Variants in WIPI2 observed in about 807,000 individuals in gnomAD.
WIPI2 encodes the protein WD repeat domain, phosphoinositide interacting 2.
A neutral mutation model predicts 52.3 loss-of-function variants in WIPI2; 28 were observed. The observed-to-expected ratio is 0.54, with a 90% CI of 0.40 to 0.73. The LOEUF (loss-of-function observed/expected upper bound fraction) is 0.73. Ranked by LOEUF, WIPI2 falls within the 30% of genes least tolerant of loss-of-function variation. The probability of loss-of-function intolerance (pLI) is 0.00; values close to 1 mark genes in which losing one functional copy is unlikely to be tolerated. For synonymous variants in WIPI2, 268 were observed against 245.0 expected, an observed-to-expected ratio of 1.09 and a Z score of -0.88; for missense variants, 506 against 602.9, an observed-to-expected ratio of 0.84 and a Z score of 1.68.
At chr7:5,216,747 A>G in intron 5 of WIPI2, 88 bp downstream of exon 5, 1 of 1,290,758 alleles carries the variant, frequency 7.7e-7, no homozygotes, top group South Asian at 1.3e-5. Context: ...TTCTTTTTAT[A>G]GGTTCCGCAG....
intron 2 of WIPI2, among the ~76,000 whole-genome samples, chr7:5,196,298 G>A (rs530832045): frequency 5.3e-5 from 8 of 152,022 alleles, no homozygotes; most frequent in African/African-American, 1.9e-4. Flanking sequence ...CCAGTGAGCC[G>A]AGATTGTGCC....
intron 7 of WIPI2, among the ~76,000 whole-genome samples, chr7:5,221,667 T>C (rs1343277153): frequency 6.6e-6 from 1 of 152,244 alleles, no homozygotes; most frequent in Non-Finnish European, 1.5e-5. Flanking sequence ...AGATCTGATA[T>C]TAACTTGGGG....
intron 2 of WIPI2, among the ~76,000 whole-genome samples, chr7:5,197,590 A>G (rs962734919): frequency 6.6e-6 from 1 of 152,198 alleles, no homozygotes; most frequent in African/African-American, 2.4e-5. Flanking sequence ...TGTTCTTTTT[A>G]TCCTTCTAAG....
In WIPI2 at chr7:5,190,291, T is replaced by G. The variant is rs747012588; in HGVS notation, c.-129T>G. The G allele has an allele frequency of 7.2e-5, 35 of 489,330 alleles. No homozygotes were observed. The highest frequency in any genetic ancestry group is 9.8e-5 in the Non-Finnish European group (32 of 327,948). The allele number at this position is 489,330 out of a possible 1,614,324, so 30.3% of individuals were successfully genotyped here. ...GAGCGGGGACGGGATGAGGCGGCGG[T>G]TGATCCCAGGGTGGCGAGTGGCGGC... On this transcript the variant is annotated 5_prime_UTR_variant, in exon 1 of 13. Transcript: ENST00000288828.
At chr7:5,217,425 C>G (rs1164587082) in intron 6 of WIPI2, 2 of 508,756 alleles carry the variant, frequency 3.9e-6, no homozygotes, top group Non-Finnish European at 7.2e-6. Flanking sequence ...CTGCCTCAGC[C>G]TCCCGAGGAG....
At chr7:5,195,823 C>G (rs553499949) in intron 2 of WIPI2, among the ~76,000 whole-genome samples, 2 of 151,896 alleles carry the variant, frequency 1.3e-5, no homozygotes, top group Admixed American at 1.3e-4. Context: ...GGTGGATCAC[C>G]AGGTCAGGAG....
intron 4 of WIPI2, among the ~76,000 whole-genome samples, chr7:5,215,561 A>G (rs1292363569): frequency 6.6e-6 from 1 of 152,236 alleles, no homozygotes; most frequent in African/African-American, 2.4e-5. Flanking sequence ...CACTCCCTGC[A>G]GGGAAAGCTG....
intron 5 of WIPI2, 195 bp downstream of exon 5, chr7:5,216,854 C>G (rs1210575558): frequency 4.3e-6 from 3 of 697,614 alleles, no homozygotes; most frequent in Non-Finnish European, 7.1e-6. Context: ...GATCAACTTT[C>G]AAGTTTGAGG....
intron 8 of WIPI2, among the ~76,000 whole-genome samples, chr7:5,225,327 G>GA (rs923854690): frequency 1.3e-5 from 2 of 152,032 alleles, no homozygotes; most frequent in African/African-American, 4.8e-5. Flanking sequence ...TTTTAGTAGA[G>GA]ACGGGGGGTT....
In WIPI2 at chr7:5,216,566, C is replaced by CGAGACACG; in HGVS notation, c.385_386insGAGACACG (p.Leu129ArgfsTer4). 6.2e-7 allele frequency: 1 copy of CGAGACACG among 1,614,156 alleles called. No individual in the cohort carries two copies. Among genetic ancestry groups the CGAGACACG allele is most frequent in the Non-Finnish European group, 8.5e-7 (1 of 1,179,988 alleles). ...TTTCGTTTTGTCTCTCGCCTAGAGG[C>CGAGACACG]TGATAGTATGCCTGGAGGAGTCCCT... On this transcript the variant is annotated frameshift_variant, in exon 5 of 13. Coordinates refer to ENST00000288828, the MANE Select transcript of WIPI2 (RefSeq NM_015610.4). LOFTEE classifies it high-confidence loss of function.
intron 7 of WIPI2, among the ~76,000 whole-genome samples, chr7:5,221,804 C>T (rs968461633): frequency 7.9e-5 from 12 of 152,292 alleles, no homozygotes; most frequent in African/African-American, 2.9e-4. Context: ...TTGGGATTGA[C>T]TCCTTATAAG....
intron 6 of WIPI2, 88 bp downstream of exon 6, chr7:5,217,275 G>C (rs111840385): frequency 7.3e-7 from 1 of 1,371,524 alleles, no homozygotes; most frequent in African/African-American, 1.4e-5. Flanking sequence ...ATCCTGACTT[G>C]GCTCAGCAAT....
intron 9 of WIPI2, chr7:5,226,690 A>G (rs962720528): frequency 1.3e-5 from 2 of 153,776 alleles, no homozygotes; most frequent in African/African-American, 4.8e-5. Flanking sequence ...TAGGTGGTCA[A>G]AAATAATAAA....
intron 3 of WIPI2, among the ~76,000 whole-genome samples, chr7:5,211,494 G>A (rs548864020): frequency 3.9e-5 from 6 of 152,196 alleles, no homozygotes; most frequent in South Asian, 4.2e-4. Context: ...ATCCCACTTC[G>A]CATGTGTCTA....
rs537681409 is a variant in WIPI2 at position 5,227,674 on chromosome 7, C to T, written c.1013+330C>T. 8.5e-5 allele frequency among the ~76,000 whole-genome samples: 13 copies of T among 152,302 alleles called. No homozygotes were observed. In the East Asian group the frequency reaches 1.2e-3, roughly 14 times the overall value. On this transcript the variant is annotated intron_variant, in intron 10 of 12. Transcript: ENST00000288828. The surrounding 1 kb of genome is among the most constrained non-coding windows in gnomAD (Gnocchi z 8.1). ...ACTTGCCGAGTCTCAGGCATCCGTC[C>T]GGCTCCAGGGTCTGGCCTCAGAACA...
At chr7:5,202,105 A>G (rs1782054777) in intron 3 of WIPI2, among the ~76,000 whole-genome samples, 1 of 152,162 alleles carries the variant, frequency 6.6e-6, no homozygotes, top group South Asian at 2.1e-4. Flanking sequence ...ATTGACGTCT[A>G]CCCTCAAAAC....
At chr7:5,222,937 A>T in intron 8 of WIPI2, 1 of 408,472 alleles carries the variant, frequency 2.4e-6, no homozygotes, top group East Asian at 5.5e-5. Flanking sequence ...TGGGCCCTCC[A>T]GTGCCCGGCA....
intron 3 of WIPI2, chr7:5,214,202 C>T (rs946312343): frequency 2.5e-6 from 3 of 1,183,506 alleles, no homozygotes; most frequent in African/African-American, 3.1e-5. Flanking sequence ...ATTAAGGGAG[C>T]CCCTAGACCT....
chr7:5,198,845 A>G (rs1271717194), intron 2 of WIPI2, among the ~76,000 whole-genome samples: 3 of 152,212 alleles, frequency 2.0e-5, no homozygotes, highest in Admixed American at 2.0e-4. Flanking sequence ...TGTTTTATAT[A>G]CACACGTCTT....
Sources: allele counts gnomAD v4.1 joint callset (sites outside exome capture counted in the v4.1 genomes callset), GRCh38; gene constraint gnomAD v4.1.1; non-coding constraint Gnocchi (gnomAD v3.1); transcripts MANE v1.5; gene names NCBI Gene and HGNC (gene_info 2026-07-23, HGNC 2026-07-21).